Variants in EML1 observed in about 807,000 individuals in gnomAD.
EML1 encodes the protein echinoderm microtubule-associated protein-like 1.
A neutral mutation model predicts 110.4 loss-of-function variants in EML1; 27 were observed. The observed-to-expected ratio is 0.24, with a 90% CI of 0.18 to 0.34. The LOEUF (loss-of-function observed/expected upper bound fraction) is 0.34, where lower values mean the gene tolerates loss of function less well. Ranked by LOEUF, EML1 falls within the 10% of genes least tolerant of loss-of-function variation. EML1 has a pLI of 1.00. For missense variants in EML1, 741 were observed against 1,030.9 expected (o/e 0.72, Z 3.85); for synonymous variants, 344 against 385.8 (o/e 0.89, Z 1.27).
At chr14:99,924,353 A>G (rs1005541459) in intron 17 of EML1, among the ~76,000 whole-genome samples, 2 of 152,208 alleles carry the variant, frequency 1.3e-5, no homozygotes, top group South Asian at 2.1e-4. Flanking sequence ...CACAGGGGCT[A>G]CCTTCCAAGA....
intron 17 of EML1, among the ~76,000 whole-genome samples, chr14:99,922,691 T>C (rs1401499078): frequency 6.6e-6 from 1 of 152,140 alleles, no homozygotes; most frequent in African/African-American, 2.4e-5. Context: ...CTAAAGAGGG[T>C]GTAATGGCAT....
At chr14:99,755,773 A>G (rs113352598) in intron 1 of EML1, among the ~76,000 whole-genome samples, 5,141 of 152,154 alleles carry the variant, frequency 0.034, 93 homozygotes, top group African/African-American at 0.058. Context: ...CAGGGTGGGG[A>G]AACTGTGTTG....
intron 13 of EML1, 54 bp downstream of exon 13, chr14:99,911,630 T>C: frequency 6.4e-7 from 1 of 1,554,902 alleles, no homozygotes; most frequent in Non-Finnish European, 8.7e-7. Flanking sequence ...ACTGTTATCC[T>C]TTTTTTATTA....
At position 99,939,465 on chromosome 14, in the gene EML1, C is replaced by T. The variant is rs920401844; in HGVS notation, c.2322+138C>T. On this transcript the variant is annotated intron_variant, in intron 21 of 21. Coordinates refer to ENST00000262233, the MANE Select transcript of EML1 (RefSeq NM_004434.3). The surrounding 1 kb of genome is among the most constrained non-coding windows in gnomAD (Gnocchi z 4.2). ...GGCAGATGTGACTCTGTTCTTTGCGCCCTGAGCACTTCCAGCCGCCCTTAG... is the reference window on the plus strand; with the variant it reads ...GGCAGATGTGACTCTGTTCTTTGCGTCCTGAGCACTTCCAGCCGCCCTTAG... 12 of 1,387,502 alleles carry T rather than the reference C, an allele frequency of 8.6e-6. No homozygotes were observed. The highest frequency in any genetic ancestry group is 1.2e-5 in the Non-Finnish European group (12 of 1,030,822). The allele number at this position is 1,387,502 out of a possible 1,614,324, so 85.9% of individuals were successfully genotyped here.
In EML1 at chr14:99,833,855, A is replaced by G. The variant is rs142319488; in HGVS notation, c.68-16998A>G. Among the ~76,000 whole-genome samples the G allele has an allele frequency of 3.3e-5, 5 of 152,332 alleles. No homozygotes were observed. In the East Asian group the frequency reaches 9.6e-4, roughly 29 times the overall value. The stretch of plus-strand genomic sequence containing the variant: ...TGATCTTCTATCCTGAAACCTTGAT[A>G]AACTTACTTATTAGTTCCAGTAACT... On this transcript the variant is annotated intron_variant, in intron 1 of 21. Transcript: ENST00000262233.
chr14:99,927,251 A>G (rs1251817147), intron 17 of EML1, among the ~76,000 whole-genome samples: 2 of 152,298 alleles, frequency 1.3e-5, no homozygotes, highest in South Asian at 2.1e-4. Context: ...CTGTTAATCC[A>G]TAGGTGTTCT....
chr14:99,921,012 C>A, intron 17 of EML1, 135 bp downstream of exon 17: 1 of 740,964 alleles, frequency 1.3e-6, no homozygotes, highest in Non-Finnish European at 2.1e-6. Context: ...CAGATCAACC[C>A]ATCACCCACG....
chr14:99,859,190 G>A (rs2058958251), intron 2 of EML1, among the ~76,000 whole-genome samples: 1 of 152,226 alleles, frequency 6.6e-6, no homozygotes, highest in South Asian at 2.1e-4. Context: ...TTATGAATGT[G>A]TTTGGACCTG....
At chr14:99,812,687 T>C (rs892247412) in intron 1 of EML1, among the ~76,000 whole-genome samples, 3 of 152,124 alleles carry the variant, frequency 2.0e-5, no homozygotes, top group Admixed American at 1.3e-4. Context: ...GGAGTCAGCC[T>C]TCCTCCTCTG....
chr14:99,938,475 C>T (rs553071863), intron 20 of EML1, among the ~76,000 whole-genome samples: 1 of 152,312 alleles, frequency 6.6e-6, no homozygotes, highest in East Asian at 1.9e-4. Context: ...AGCTCCCAGT[C>T]GAAAACCCAA....
chr14:99,792,490 T>C (rs1227114829), upstream of EML1, among the ~76,000 whole-genome samples: 1 of 152,244 alleles, frequency 6.6e-6, no homozygotes, highest in African/African-American at 2.4e-5. Flanking sequence ...TTAACAGCAT[T>C]TATACGTGTA....
exon 1 of EML1, chr14:99,737,731 T>G: frequency 8.2e-7 from 1 of 1,217,632 alleles, no homozygotes; most frequent in Non-Finnish European, 1.1e-6. Context: ...TGCCTGGGGC[T>G]GGACGCGGAG....
intron 1 of EML1, among the ~76,000 whole-genome samples, chr14:99,819,322 G>A (rs553867614): frequency 4.6e-5 from 7 of 152,232 alleles, no homozygotes; most frequent in Admixed American, 2.0e-4. Context: ...TATAATATAC[G>A]ATTTTGTTCC....
intron 3 of EML1, among the ~76,000 whole-genome samples, chr14:99,874,768 G>T (rs1358099708): frequency 1.3e-5 from 2 of 152,238 alleles, no homozygotes; most frequent in Non-Finnish European, 2.9e-5. Flanking sequence ...TCTTGGAAGA[G>T]TTGTGAAGGA....
At chr14:99,842,421 G>A (rs958059551) in intron 1 of EML1, among the ~76,000 whole-genome samples, 6 of 151,992 alleles carry the variant, frequency 3.9e-5, no homozygotes, top group African/African-American at 7.2e-5. Flanking sequence ...TCTCCCAGTC[G>A]TATTCTTCAG....
At position 99,927,888 on chromosome 14, in the gene EML1, GT is replaced by G. The variant is rs1467567386; in HGVS notation, c.1909+7012del. ...GGTAGTAGTGGTGGCGGTGGTGGTG[GT>G]GGTGGTGGTGGTGGTGGTGGTGGTA... is the stretch of plus-strand genomic sequence containing the variant. On this transcript the variant is annotated intron_variant, in intron 17 of 21. Transcript: ENST00000262233. 1.1e-3 allele frequency among the ~76,000 whole-genome samples: 14 copies of G among 12,898 alleles called. 5 individuals carry two copies. The highest frequency in any genetic ancestry group is 2.1e-3 in the Non-Finnish European group (12 of 5,818). 8.5% of individuals were successfully genotyped at this position (12,898 alleles called of 152,430 possible).
chr14:99,742,269 G>T (rs765734256), intron 1 of EML1, among the ~76,000 whole-genome samples: 1 of 152,196 alleles, frequency 6.6e-6, no homozygotes, highest in Non-Finnish European at 1.5e-5. Context: ...TTTATGTGAC[G>T]TCAGTGGTTG....
intron 1 of EML1, among the ~76,000 whole-genome samples, chr14:99,847,864 A>G (rs1330089557): frequency 6.6e-6 from 1 of 151,296 alleles, no homozygotes; most frequent in Admixed American, 6.6e-5. Flanking sequence ...TTTTCCATTC[A>G]TATACTTTCA....
chr14:99,832,929 C>T lies in EML1; in HGVS notation c.68-17924C>T, dbSNP rs1021476863. Among the ~76,000 whole-genome samples the T allele has an allele frequency of 2.0e-4, 30 of 152,134 alleles. 1 individual carries two copies. Among genetic ancestry groups the T allele is most frequent in the African/African-American group, 7.0e-4 (29 of 41,490 alleles). Reference sequence around the variant, plus strand: ...ACTTTTATTTTAGATTCAAGGGGTACATGTGTCGGTTCTTACATGGGTGTA... The same window carrying T: ...ACTTTTATTTTAGATTCAAGGGGTATATGTGTCGGTTCTTACATGGGTGTA... On this transcript the variant is annotated intron_variant, in intron 1 of 21. Coordinates refer to ENST00000262233, the MANE Select transcript of EML1 (RefSeq NM_004434.3).
Sources: allele counts gnomAD v4.1 joint callset (sites outside exome capture counted in the v4.1 genomes callset), GRCh38; gene constraint gnomAD v4.1.1; non-coding constraint Gnocchi (gnomAD v3.1); transcripts MANE v1.5; gene names NCBI Gene and HGNC (gene_info 2026-07-23, HGNC 2026-07-21).